TTC28: variants seen among roughly 807,000 people sequenced by gnomAD.
TTC28 encodes the protein tetratricopeptide repeat domain 28.
TTC28 carries 61 observed loss-of-function variants against 198.0 expected under a neutral mutation model. That is an observed-to-expected ratio of 0.31 (90% confidence interval 0.25 to 0.38). TTC28 has a LOEUF of 0.38. Ranked by LOEUF, TTC28 falls within the 10% of genes least tolerant of loss-of-function variation. The probability of loss-of-function intolerance (pLI) is 1.00; values close to 1 mark genes in which losing one functional copy is unlikely to be tolerated. For missense variants in TTC28, 2,678 were observed against 3,164.0 expected, an observed-to-expected ratio of 0.85 and a Z score of 3.69; for synonymous variants, 1,171 against 1,297.8, an observed-to-expected ratio of 0.90 and a Z score of 2.10.
At chr22:28,461,564 G>GT (rs2047950837) in intron 2 of TTC28, among the ~76,000 whole-genome samples, 1 of 152,046 alleles carries the variant, frequency 6.6e-6, no homozygotes, top group African/African-American at 2.4e-5. Context: ...AGCCTCCCAA[G>GT]TAGCTGGGAT....
At chr22:28,236,966 C>T (rs1430130596) in intron 5 of TTC28, among the ~76,000 whole-genome samples, 6 of 152,180 alleles carry the variant, frequency 3.9e-5, no homozygotes, top group Admixed American at 3.9e-4. Context: ...CTATAATGGC[C>T]TCTCCCAAAG....
At chr22:28,639,200 G>T (rs1281853211) in intron 1 of TTC28, among the ~76,000 whole-genome samples, 3 of 149,482 alleles carry the variant, frequency 2.0e-5, no homozygotes, top group Admixed American at 2.0e-4. Context: ...TAAGCACAGG[G>T]CTTTGCAAGG....
At chr22:28,591,773 A>G (rs1024227795) in intron 2 of TTC28, among the ~76,000 whole-genome samples, 4 of 152,126 alleles carry the variant, frequency 2.6e-5, no homozygotes, top group African/African-American at 9.7e-5. Flanking sequence ...TATGACTCAA[A>G]GATTTTTTTT....
At chr22:28,446,505 GCTGT>G (rs2047704512) in intron 2 of TTC28, among the ~76,000 whole-genome samples, 1 of 152,122 alleles carries the variant, frequency 6.6e-6, no homozygotes, top group Non-Finnish European at 1.5e-5. Flanking sequence ...ATGGTTTGGT[GCTGT>G]CCTCACTCGG....
At chr22:28,151,418 G>C (rs549339158) in intron 6 of TTC28, among the ~76,000 whole-genome samples, 7 of 152,296 alleles carry the variant, frequency 4.6e-5, no homozygotes, top group Non-Finnish European at 7.4e-5. Context: ...AGCCTCTCTT[G>C]CAACAGTCCA....
intron 2 of TTC28, among the ~76,000 whole-genome samples, chr22:28,544,420 C>G (rs1305335521): frequency 6.6e-6 from 1 of 152,104 alleles, no homozygotes; most frequent in Non-Finnish European, 1.5e-5. Flanking sequence ...TTTAACAAGT[C>G]TCATCAAACT....
At chr22:28,451,129 T>C (rs903371026) in intron 2 of TTC28, among the ~76,000 whole-genome samples, 2 of 152,184 alleles carry the variant, frequency 1.3e-5, no homozygotes, top group Non-Finnish European at 2.9e-5. Context: ...TGCCAAAATA[T>C]GGTGAAACTC....
intron 5 of TTC28, among the ~76,000 whole-genome samples, chr22:28,192,819 T>A (rs555382049): frequency 2.6e-5 from 4 of 152,294 alleles, no homozygotes; most frequent in Admixed American, 2.6e-4. Context: ...GTCTGATTGG[T>A]GTACCTGAAA....
chr22:28,076,626 G>A (rs1191520563), intron 12 of TTC28, among the ~76,000 whole-genome samples: 1 of 152,122 alleles, frequency 6.6e-6, no homozygotes, highest in Non-Finnish European at 1.5e-5. Flanking sequence ...GCCCAGGCTG[G>A]AGTGCAGTGG....
chr22:28,028,969 C>A (rs1208579963), intron 13 of TTC28: 2 of 470,916 alleles, frequency 4.2e-6, no homozygotes, highest in South Asian at 1.5e-5. Flanking sequence ...AGAGGCTGCA[C>A]TCTGAGCTCT....
At chr22:28,425,527 T>C (rs909153863) in intron 2 of TTC28, among the ~76,000 whole-genome samples, 2 of 152,212 alleles carry the variant, frequency 1.3e-5, no homozygotes, top group Non-Finnish European at 2.9e-5. Context: ...GATAGAGTCT[T>C]ACTCATCAGT....
chr22:28,622,844 C>T (rs191863091), intron 2 of TTC28, among the ~76,000 whole-genome samples: 1 of 149,988 alleles, frequency 6.7e-6, no homozygotes, highest in Non-Finnish European at 1.5e-5. Context: ...TTTTTTGAGA[C>T]AGAGTCTTGC....
At chr22:28,414,491 A>G (rs2146145568) in intron 2 of TTC28, among the ~76,000 whole-genome samples, 1 of 151,290 alleles carries the variant, frequency 6.6e-6, no homozygotes, top group Admixed American at 6.7e-5. Context: ...ACTGCAGCAG[A>G]GTTGGCCTAT....
chr22:28,297,921 A>G, intron 3 of TTC28, 69 bp from the exon 4 acceptor site: 8 of 1,456,190 alleles, frequency 5.5e-6, no homozygotes, highest in Non-Finnish European at 7.4e-6. Context: ...AATCTTTTCT[A>G]ATACGCTCTA....
intron 12 of TTC28, among the ~76,000 whole-genome samples, chr22:28,067,455 A>C (rs1002622833): frequency 2.0e-5 from 3 of 152,184 alleles, no homozygotes; most frequent in Non-Finnish European, 4.4e-5. Context: ...TGAAAATCCC[A>C]ATGATAAGAA....
intron 5 of TTC28, among the ~76,000 whole-genome samples, chr22:28,187,331 A>C (rs192713517): frequency 5.3e-5 from 8 of 152,346 alleles, no homozygotes; most frequent in African/African-American, 1.7e-4. Flanking sequence ...AAAGTATGAT[A>C]ATTTGAATTT....
intron 1 of TTC28, among the ~76,000 whole-genome samples, chr22:28,637,599 A>C (rs1358516213): frequency 6.6e-6 from 1 of 152,212 alleles, no homozygotes; most frequent in African/African-American, 2.4e-5. Flanking sequence ...AAAGGAACGA[A>C]AGGTTTACAC....
chr22:28,102,002 T>C (rs1247562409), intron 8 of TTC28, among the ~76,000 whole-genome samples: 1 of 152,060 alleles, frequency 6.6e-6, no homozygotes, highest in Non-Finnish European at 1.5e-5. Flanking sequence ...CTAAAACAAG[T>C]GAAACTTAAC....
At chr22:28,320,219 C>A (rs1785062295) in intron 2 of TTC28, among the ~76,000 whole-genome samples, 2 of 151,478 alleles carry the variant, frequency 1.3e-5, no homozygotes, top group African/African-American at 2.4e-5. Flanking sequence ...AGGACTCATG[C>A]CAAAGACAGA....
Sources: gnomAD v4.1 joint callset for allele counts (sites outside exome capture counted in the v4.1 genomes callset) on GRCh38, gnomAD v4.1.1 for gene constraint, MANE v1.5 for transcripts, NCBI Gene and HGNC (gene_info 2026-07-23, HGNC 2026-07-21) for gene names.